The following FSHR variants were observed in gnomAD, a reference collection of about 807,000 sequenced individuals.
FSHR encodes follicle stimulating hormone receptor, also known as follicle-stimulating hormone receptor.
In FSHR, 46 loss-of-function variants were observed where a neutral mutation model predicts 52.1. The observed-to-expected ratio is 0.88, with a 90% CI of 0.70 to 1.13. The LOEUF (loss-of-function observed/expected upper bound fraction) is 1.13, where lower values mean the gene tolerates loss of function less well. Among genes scored for constraint, FSHR ranks in the 50% most tolerant of loss-of-function variants. FSHR has a pLI of 0.00. For synonymous variants in FSHR, 399 were observed against 309.6 expected (o/e 1.29, Z -3.03); for missense variants, 964 against 834.6 (o/e 1.16, Z -1.91).
intron 1 of FSHR, among the ~76,000 whole-genome samples, chr2:49,082,201 C>T (rs369611840): frequency 0.012 from 1,833 of 152,234 alleles, 34 homozygotes; most frequent in African/African-American, 0.041. Context: ...GACCCCTGAG[C>T]AGCCTAACTG....
intron 4 of FSHR, among the ~76,000 whole-genome samples, chr2:49,011,662 T>A (rs1044474781): frequency 1.3e-5 from 2 of 152,162 alleles, no homozygotes; most frequent in South Asian, 4.1e-4. Context: ...CAGGCAATGT[T>A]AAGGTTCCTA....
chr2:49,104,910 T>G (rs1179654963), intron 1 of FSHR, among the ~76,000 whole-genome samples: 2 of 152,178 alleles, frequency 1.3e-5, no homozygotes, highest in South Asian at 4.2e-4. Context: ...GAGACCACCC[T>G]TCTAAAAACT....
At chr2:49,012,820 A>G (rs1055430308) in intron 4 of FSHR, among the ~76,000 whole-genome samples, 2 of 152,138 alleles carry the variant, frequency 1.3e-5, no homozygotes. Context: ...TGGCTGCTGG[A>G]GCATGAAGCT....
chr2:49,147,367 C>T (rs1433196502), intron 1 of FSHR, among the ~76,000 whole-genome samples: 1 of 152,078 alleles, frequency 6.6e-6, no homozygotes, highest in Non-Finnish European at 1.5e-5. Context: ...CAATCAACCA[C>T]AGTGGCTAGA....
chr2:49,098,766 G>A (rs1670918268), intron 1 of FSHR, among the ~76,000 whole-genome samples: 1 of 145,292 alleles, frequency 6.9e-6, no homozygotes, highest in African/African-American at 2.5e-5. Flanking sequence ...ATAATAATAT[G>A]TATTTATATT....
At chr2:48,987,566 C>T (rs761919785) in intron 6 of FSHR, among the ~76,000 whole-genome samples, 12 of 151,982 alleles carry the variant, frequency 7.9e-5, no homozygotes, top group Non-Finnish European at 1.3e-4. Context: ...TTATTCTGTT[C>T]CCTCTGCACG....
At chr2:48,976,338 A>C (rs1390653789) in intron 8 of FSHR, among the ~76,000 whole-genome samples, 3 of 152,208 alleles carry the variant, frequency 2.0e-5, no homozygotes, top group Non-Finnish European at 4.4e-5. Flanking sequence ...GATGAAGCTG[A>C]CTTGATCGTG....
intron 2 of FSHR, among the ~76,000 whole-genome samples, chr2:49,045,664 C>T (rs1047555411): frequency 6.6e-6 from 1 of 152,118 alleles, no homozygotes; most frequent in Non-Finnish European, 1.5e-5. Context: ...TTAATGGATA[C>T]ACCTTATTTG....
At chr2:49,101,053 C>A (rs982193790) in intron 1 of FSHR, among the ~76,000 whole-genome samples, 5 of 152,102 alleles carry the variant, frequency 3.3e-5, no homozygotes, top group South Asian at 2.1e-4. Flanking sequence ...ATGGTGTAAT[C>A]ATTGAGAGGT....
chr2:49,038,838 A>C (rs936050160), intron 2 of FSHR, among the ~76,000 whole-genome samples: 1 of 152,016 alleles, frequency 6.6e-6, no homozygotes. Flanking sequence ...ATATATTTTT[A>C]AGAATTATAA....
chr2:48,979,524 A>C (rs1169256629), intron 8 of FSHR, among the ~76,000 whole-genome samples: 1 of 152,064 alleles, frequency 6.6e-6, no homozygotes, highest in African/African-American at 2.4e-5. Flanking sequence ...CTCATAGCCG[A>C]GTCTACTCTG....
intron 2 of FSHR, among the ~76,000 whole-genome samples, chr2:49,065,912 G>A (rs1378404353): frequency 6.6e-6 from 1 of 152,066 alleles, no homozygotes; most frequent in African/African-American, 2.4e-5. Context: ...TGGGGAAAGG[G>A]CATTGAGAAG....
chr2:48,967,196 A>G (rs1674514700), intron 9 of FSHR, among the ~76,000 whole-genome samples: 1 of 152,262 alleles, frequency 6.6e-6, no homozygotes, highest in South Asian at 2.1e-4. Context: ...CCTGGGCTCA[A>G]GTAATCCTCC....
At chr2:49,121,575 T>C (rs1671818158) in intron 1 of FSHR, among the ~76,000 whole-genome samples, 1 of 152,166 alleles carries the variant, frequency 6.6e-6, no homozygotes, top group Non-Finnish European at 1.5e-5. Context: ...GGCTTTCCCA[T>C]ACCTAGCTGA....
At chr2:49,126,880 A>T (rs1232340218) in intron 1 of FSHR, among the ~76,000 whole-genome samples, 1 of 152,248 alleles carries the variant, frequency 6.6e-6, no homozygotes, top group Non-Finnish European at 1.5e-5. Context: ...CCTCACAAGG[A>T]ACCATCCATG....
rs1348823418 is a variant in FSHR at position 48,982,857 on chromosome 2, C to T, written c.668+55G>A. On this transcript the variant is annotated intron_variant, in intron 8 of 9. Coordinates refer to ENST00000406846, the MANE Select transcript of FSHR (RefSeq NM_000145.4). ...TTCTCCCCTAGCTGCAGAGAGTTGA[C>T]TTCTAACTTACACAAACTGAGCTCT... The T allele has an allele frequency of 2.1e-6, 3 of 1,458,546 alleles. No homozygotes were observed. In the African/African-American group the frequency reaches 4.2e-5, roughly 20 times the overall value. 90.4% of individuals were successfully genotyped at this position (1,458,546 alleles called of 1,614,324 possible).
At chr2:49,077,222 G>T (rs1669982850) in intron 1 of FSHR, among the ~76,000 whole-genome samples, 1 of 152,224 alleles carries the variant, frequency 6.6e-6, no homozygotes, top group Admixed American at 6.5e-5. Context: ...AAATCTAGGT[G>T]GAGGTTTCCG....
chr2:49,049,824 AATATAT>A (rs5831020), intron 2 of FSHR, among the ~76,000 whole-genome samples: 20 of 144,892 alleles, frequency 1.4e-4, no homozygotes, highest in African/African-American at 5.3e-4. Flanking sequence ...CCCCTACTCT[AATATAT>A]ATATATATAT....
chr2:49,071,132 T>A (rs12623845), intron 1 of FSHR, among the ~76,000 whole-genome samples: 39,441 of 152,008 alleles, frequency 0.26, 5,694 homozygotes, highest in East Asian at 0.41. Flanking sequence ...AAGTATAGAA[T>A]ATGGAGAACT....
Sources: allele counts gnomAD v4.1 joint callset (sites outside exome capture counted in the v4.1 genomes callset), GRCh38; gene constraint gnomAD v4.1.1; transcripts MANE v1.5; gene names NCBI Gene and HGNC (gene_info 2026-07-23, HGNC 2026-07-21).